The following NAMPT variants were observed in gnomAD, a reference collection of about 807,000 sequenced individuals.
NAMPT encodes nicotinamide phosphoribosyltransferase, also known as NAmPRTase.
In NAMPT, 7 loss-of-function variants were observed where a neutral mutation model predicts 58.7. The ratio of observed to expected loss-of-function variants is 0.12; its 90% CI spans 0.07 to 0.22. NAMPT has a LOEUF of 0.22. Among genes scored for constraint, NAMPT ranks in the 10% least tolerant of loss-of-function variants. The probability of loss-of-function intolerance (pLI) is 1.00; values close to 1 mark genes in which losing one functional copy is unlikely to be tolerated. For synonymous variants in NAMPT, 145 were observed against 198.1 expected, an observed-to-expected ratio of 0.73 and a Z score of 2.25; for missense variants, 271 against 567.9, an observed-to-expected ratio of 0.48 and a Z score of 5.31.
chr7:106,250,093 CAG>C lies in NAMPT; in HGVS notation c.*988_*989del, dbSNP rs1338065075. The C allele has an allele frequency of 7.2e-5, 11 of 152,338 alleles. No homozygotes were observed. The highest frequency in any genetic ancestry group is 1.7e-4 in the African/African-American group (7 of 41,368). The allele number at this position is 152,338 out of a possible 1,614,324, so 9.4% of individuals were successfully genotyped here. On this transcript the variant is annotated 3_prime_UTR_variant, in exon 11 of 11. Transcript: ENST00000222553. ...TTTAAAAACTTAATAAAAAATATAA[CAG>C]AATTGAAACATTTAAGTACACTCAC... is the stretch of plus-strand genomic sequence containing the variant.
At chr7:106,269,670 A>G (rs1409752935) in intron 4 of NAMPT, among the ~76,000 whole-genome samples, 1 of 152,188 alleles carries the variant, frequency 6.6e-6, no homozygotes, top group African/African-American at 2.4e-5. Context: ...TTTATAAAGG[A>G]CACTGAAACT....
intron 8 of NAMPT, 197 bp downstream of exon 8, chr7:106,261,391 G>T: frequency 2.2e-6 from 1 of 452,208 alleles, no homozygotes. Flanking sequence ...ACAACTGGAA[G>T]AGTAAGTATG....
intron 1 of NAMPT, among the ~76,000 whole-genome samples, chr7:106,280,092 A>C (rs567822365): frequency 1.3e-5 from 2 of 152,288 alleles, no homozygotes; most frequent in African/African-American, 4.8e-5. Flanking sequence ...AGCTGGGGTG[A>C]ATATGACATG....
intron 2 of NAMPT, chr7:106,275,413 A>G (rs1280331684): frequency 1.3e-5 from 2 of 155,920 alleles, no homozygotes; most frequent in East Asian, 1.9e-4. Context: ...CTTCGTTCGT[A>G]AAGAATGTGG....
chr7:106,272,437 T>C (rs1350290478), intron 4 of NAMPT, 93 bp downstream of exon 4: 3 of 1,170,594 alleles, frequency 2.6e-6, no homozygotes, highest in Admixed American at 5.5e-5. Context: ...TAGGAGATTA[T>C]ATAGCTTTAT....
In NAMPT at chr7:106,263,449, T is replaced by C. The variant is rs142401851; in HGVS notation, c.912A>G (p.Thr304=). The C allele has an allele frequency of 2.8e-4, 456 of 1,601,690 alleles. 2 individuals carry two copies. The highest frequency in any genetic ancestry group is 3.7e-4 in the Non-Finnish European group (428 of 1,169,492). Residue 304 remains threonine, a synonymous_variant, in exon 7 of 11, where the codon ACA becomes ACG. Transcript: ENST00000222553. ...CAGGTCTGATTATTAGTGGTGCCTG[T>C]GTACTTCTTGATACTATTAAATGTC... The part of the protein sequence containing the change: ...DLRHLIVSRS[T]QAPLIIRPDS...
At chr7:106,283,403 TTAGAC>T (rs1196772540) in intron 1 of NAMPT, among the ~76,000 whole-genome samples, 2 of 152,160 alleles carry the variant, frequency 1.3e-5, no homozygotes, top group African/African-American at 4.8e-5. Context: ...TTTTTAAAAT[TTAGAC>T]TATTCAACCT....
chr7:106,273,070 C>CATTTTCACAAAA (rs1174475637), intron 3 of NAMPT, among the ~76,000 whole-genome samples: 3 of 152,114 alleles, frequency 2.0e-5, no homozygotes, highest in Non-Finnish European at 4.4e-5. Context: ...AAAATAAAGG[C>CATTTTCACAAAA]TGCAGATTGA....
intron 8 of NAMPT, among the ~76,000 whole-genome samples, chr7:106,256,365 G>A: frequency 6.6e-6 from 1 of 152,232 alleles, no homozygotes; most frequent in Non-Finnish European, 1.5e-5. Context: ...GTGACAGGCT[G>A]AATAGCAAAG....
chr7:106,265,142 C>A (rs1792386321), intron 6 of NAMPT, among the ~76,000 whole-genome samples: 1 of 152,024 alleles, frequency 6.6e-6, no homozygotes, highest in Non-Finnish European at 1.5e-5. Flanking sequence ...AAGAGAAGCT[C>A]CTCTTCATAT....
At chr7:106,285,077 C>G, upstream of NAMPT, 1 of 1,348,702 alleles carries the variant, frequency 7.4e-7, no homozygotes, top group Non-Finnish European at 9.6e-7. Context: ...GCGCGGGTGA[C>G]GGCTGCGGCG....
chr7:106,280,930 C>T (rs1001175187), intron 1 of NAMPT, among the ~76,000 whole-genome samples: 2 of 150,954 alleles, frequency 1.3e-5, no homozygotes, highest in African/African-American at 2.4e-5. Context: ...AACAGAGCAA[C>T]ACTCCGTCTC....
At chr7:106,272,329 C>G (rs1354521054) in intron 4 of NAMPT, 1 of 435,658 alleles carries the variant, frequency 2.3e-6, no homozygotes, top group East Asian at 4.6e-5. Flanking sequence ...TAAACAAAAT[C>G]TCAGAACATT....
At chr7:106,276,964 ACTC>A (rs1345305738) in intron 2 of NAMPT, 56 bp downstream of exon 2, 6 of 1,311,848 alleles carry the variant, frequency 4.6e-6, no homozygotes, top group Non-Finnish European at 6.5e-6. Flanking sequence ...TTCTAAAAGA[ACTC>A]CTAAAGGAGT....
intron 3 of NAMPT, 140 bp from the exon 4 acceptor site, chr7:106,272,798 G>T: frequency 1.3e-6 from 1 of 784,364 alleles, no homozygotes; most frequent in African/African-American, 1.8e-5. Context: ...CTGTAATCTA[G>T]TCAGAATATC....
chr7:106,274,967 C>CTTTTCATTAAA lies in NAMPT; in HGVS notation c.286_296dup (p.Lys99AsnfsTer20), dbSNP rs1792604973. On this transcript the variant is annotated frameshift_variant, in exon 3 of 11. Coordinates refer to ENST00000222553, the MANE Select transcript of NAMPT (RefSeq NM_005746.3). LOFTEE classifies it high-confidence loss of function. ...TTACCTCAAGAATGTAGTTCCATCC[C>CTTTTCATTAAA]TTTTCATTAAAGACATCATCTTGGA... 6.2e-7 allele frequency: 1 copy of CTTTTCATTAAA among 1,609,748 alleles called. No homozygotes were observed. The highest frequency in any genetic ancestry group is 1.3e-5 in the African/African-American group (1 of 74,816).
At chr7:106,265,073 T>C (rs2115765681) in intron 6 of NAMPT, among the ~76,000 whole-genome samples, 1 of 152,276 alleles carries the variant, frequency 6.6e-6, no homozygotes. Flanking sequence ...CCAGTAGCTA[T>C]GATGTCAATT....
chr7:106,253,935 T>C (rs1193972046), intron 9 of NAMPT, among the ~76,000 whole-genome samples: 8 of 152,168 alleles, frequency 5.3e-5, no homozygotes, highest in Non-Finnish European at 1.0e-4. Context: ...AGCTGTTCTA[T>C]GGCTACTAGA....
At position 106,272,551 on chromosome 7, in the gene NAMPT, G is replaced by GTTT. The variant is rs1792557056; in HGVS notation, c.425_426insAAA (p.Tyr142delinsTer). ...TTACCTCAATCCAATTTGTAAGCCA[G>GTTT]TAACACTCTGGATCTGTGTTTTCCA... On this transcript the variant is annotated stop_gained, in exon 4 of 11. Transcript: ENST00000222553. LOFTEE classifies it high-confidence loss of function. 1 of 1,611,904 alleles carries GTTT rather than the reference G, an allele frequency of 6.2e-7. No homozygotes were observed.
Sources: gnomAD v4.1 joint callset for allele counts (sites outside exome capture counted in the v4.1 genomes callset) on GRCh38, gnomAD v4.1.1 for gene constraint, MANE v1.5 for transcripts, NCBI Gene and HGNC (gene_info 2026-07-23, HGNC 2026-07-21) for gene names.